The following MRTFB variants were observed in gnomAD, a reference collection of about 807,000 sequenced individuals.
MRTFB encodes myocardin related transcription factor B.
In MRTFB, 29 loss-of-function variants were observed where a neutral mutation model predicts 104.2. The observed-to-expected ratio is 0.28, with a 90% CI of 0.21 to 0.38. The LOEUF is 0.38. Ranked by LOEUF, MRTFB falls within the 10% of genes least tolerant of loss-of-function variation. MRTFB has a pLI of 1.00. For missense variants in MRTFB, 1,270 were observed against 1,341.6 expected, an observed-to-expected ratio of 0.95 and a Z score of 0.83; for synonymous variants, 535 against 519.5, an observed-to-expected ratio of 1.03 and a Z score of -0.41.
intron 2 of MRTFB, among the ~76,000 whole-genome samples, chr16:14,093,299 C>G (rs905557073): frequency 6.6e-6 from 1 of 151,444 alleles, no homozygotes; most frequent in African/African-American, 2.4e-5. Context: ...TTTTATAGGC[C>G]AAGCACTCTT....
chr16:14,120,423 G>GT (rs938118579), intron 2 of MRTFB, among the ~76,000 whole-genome samples: 28 of 151,672 alleles, frequency 1.8e-4, no homozygotes, highest in East Asian at 7.7e-4. Context: ...AGTTTGTTCT[G>GT]TTTTTTTTCA....
chr16:14,051,461 A>T, the MRTFB span, among the ~76,000 whole-genome samples: 1 of 152,100 alleles, frequency 6.6e-6, no homozygotes, highest in East Asian at 1.9e-4. Flanking sequence ...AGAAGCACTC[A>T]TACAAATACA....
chr16:14,136,147 G>T (rs1221897132), intron 2 of MRTFB, among the ~76,000 whole-genome samples: 1 of 151,892 alleles, frequency 6.6e-6, no homozygotes, highest in Non-Finnish European at 1.5e-5. Flanking sequence ...TGGTGGTGGT[G>T]CCTGTAATCC....
chr16:14,034,736 C>G, the MRTFB span, among the ~76,000 whole-genome samples: 20 of 152,236 alleles, frequency 1.3e-4, no homozygotes, highest in South Asian at 4.1e-3. Context: ...GATTACGGCC[C>G]ATTCTTGACC....
chr16:14,105,056 T>G (rs994258879), intron 2 of MRTFB, among the ~76,000 whole-genome samples: 11 of 152,234 alleles, frequency 7.2e-5, no homozygotes, highest in African/African-American at 2.4e-4. Context: ...TAAAAAAAAG[T>G]AAGTGAACTG....
At chr16:14,031,421 T>A in the MRTFB span, among the ~76,000 whole-genome samples, 3 of 151,192 alleles carry the variant, frequency 2.0e-5, no homozygotes, top group African/African-American at 7.3e-5. Context: ...TAGGTCAAAG[T>A]TTCACAAACT....
intron 2 of MRTFB, among the ~76,000 whole-genome samples, chr16:14,088,229 A>T (rs1236586305): frequency 6.6e-6 from 1 of 152,166 alleles, no homozygotes; most frequent in Non-Finnish European, 1.5e-5. Flanking sequence ...TATGGTGGGA[A>T]TGTACATTGA....
At chr16:14,206,391 G>T (rs2040942761) in intron 3 of MRTFB, among the ~76,000 whole-genome samples, 1 of 152,180 alleles carries the variant, frequency 6.6e-6, no homozygotes. Flanking sequence ...CATTAATTTT[G>T]TTAGTAATTT....
At chr16:14,226,609 C>G (rs1483915677) in intron 8 of MRTFB, among the ~76,000 whole-genome samples, 3 of 152,104 alleles carry the variant, frequency 2.0e-5, no homozygotes, top group African/African-American at 7.2e-5. Context: ...AGCTTCATTA[C>G]ACTGGATTGG....
chr16:14,082,218 A>G (rs1418301340), intron 2 of MRTFB, among the ~76,000 whole-genome samples: 1 of 152,198 alleles, frequency 6.6e-6, no homozygotes, highest in Non-Finnish European at 1.5e-5. Flanking sequence ...ATTTTTGTAT[A>G]TGGCGTGAGA....
intron 9 of MRTFB, among the ~76,000 whole-genome samples, chr16:14,239,071 T>G (rs2042650199): frequency 6.6e-6 from 1 of 152,178 alleles, no homozygotes; most frequent in Admixed American, 6.5e-5. Flanking sequence ...AAGAGCTGGC[T>G]CCAGCACCCC....
At chr16:14,160,686 G>C (rs62034422) in intron 3 of MRTFB, among the ~76,000 whole-genome samples, 4 of 146,832 alleles carry the variant, frequency 2.7e-5, no homozygotes, top group Admixed American at 1.3e-4. Flanking sequence ...ACTATTCTGA[G>C]GAAAAAAAAA....
the MRTFB span, among the ~76,000 whole-genome samples, chr16:14,015,134 G>T: frequency 1.3e-5 from 2 of 152,170 alleles, no homozygotes; most frequent in African/African-American, 4.8e-5. Flanking sequence ...CCCTGGGAAA[G>T]AAATGTAAGT....
intron 2 of MRTFB, among the ~76,000 whole-genome samples, chr16:14,095,710 A>G (rs1476067895): frequency 6.6e-6 from 1 of 152,208 alleles, no homozygotes; most frequent in Non-Finnish European, 1.5e-5. Flanking sequence ...CTGCTTTTGG[A>G]TACTTTTCTT....
chr16:14,076,828 C>T (rs957704084), intron 1 of MRTFB, among the ~76,000 whole-genome samples: 5 of 152,140 alleles, frequency 3.3e-5, no homozygotes, highest in Admixed American at 1.3e-4. Flanking sequence ...GTGTCAGTCT[C>T]GTAGATGAAA....
chr16:14,183,120 A>G (rs1012232849), intron 3 of MRTFB, among the ~76,000 whole-genome samples: 2 of 152,228 alleles, frequency 1.3e-5, no homozygotes, highest in Non-Finnish European at 2.9e-5. Context: ...CAAGGTGTCA[A>G]AATATACATC....
At chr16:14,069,440 G>A (rs150401567), upstream of MRTFB, among the ~76,000 whole-genome samples, 1 of 152,316 alleles carries the variant, frequency 6.6e-6, no homozygotes, top group East Asian at 1.9e-4. Flanking sequence ...ATGGCACATC[G>A]TAGGACTTCT....
chr16:14,062,552 G>A, the MRTFB span, among the ~76,000 whole-genome samples: 66 of 152,282 alleles, frequency 4.3e-4, no homozygotes, highest in African/African-American at 1.6e-3. Context: ...GAGAAAGTTT[G>A]CCTCCCCACT....
the MRTFB span, among the ~76,000 whole-genome samples, chr16:14,023,132 G>A: frequency 6.6e-6 from 1 of 152,106 alleles, no homozygotes; most frequent in Non-Finnish European, 1.5e-5. Context: ...AACCCGCAGA[G>A]CTGGTTTACA....
Sources: gnomAD v4.1 joint callset for allele counts (sites outside exome capture counted in the v4.1 genomes callset) on GRCh38, gnomAD v4.1.1 for gene constraint, MANE v1.5 for transcripts, NCBI Gene and HGNC (gene_info 2026-07-23, HGNC 2026-07-21) for gene names.